Variants in GLIPR1L2 observed in about 807,000 individuals in gnomAD.
The protein encoded by GLIPR1L2 is GLIPR1-like protein 2.
In GLIPR1L2, 21 loss-of-function variants were observed where a neutral mutation model predicts 28.4. That is an observed-to-expected ratio of 0.74 (90% confidence interval 0.52 to 1.06). GLIPR1L2 has a LOEUF of 1.06. Ranked by LOEUF, GLIPR1L2 falls within the 50% of genes least tolerant of loss-of-function variation. GLIPR1L2 has a pLI of 0.00. For synonymous variants in GLIPR1L2, 145 were observed against 139.3 expected (o/e 1.04, Z -0.29); for missense variants, 476 against 416.9 (o/e 1.14, Z -1.23).
At chr12:75,398,103 G>C (rs2139920336) in intron 1 of GLIPR1L2, among the ~76,000 whole-genome samples, 1 of 151,892 alleles carries the variant, frequency 6.6e-6, no homozygotes, top group African/African-American at 2.4e-5. Flanking sequence ...GGCCAAGGCG[G>C]GCAGATCACT....
intron 1 of GLIPR1L2, among the ~76,000 whole-genome samples, chr12:75,397,228 C>G (rs1420974942): frequency 6.6e-6 from 1 of 151,972 alleles, no homozygotes; most frequent in Admixed American, 6.6e-5. Context: ...ATATATTTAA[C>G]TGGCCAATTG....
rs751369509 is a variant in GLIPR1L2, at chr12:75,413,608, A to G, written c.491A>G (p.Asp164Gly). Reference sequence around the variant, plus strand: ...AAAATTTTATTTTAGCTTGTTTGGGACCACTCTTACAAAGTTGGTTGTGCT... The same window carrying G: ...AAAATTTTATTTTAGCTTGTTTGGGGCCACTCTTACAAAGTTGGTTGTGCT... ...DCSNYIQLVW[D>G]HSYKVGCAVT... Residue 164 changes from aspartate (D) to glycine (G), a missense_variant, in exon 3 of 6, where the codon GAC (aspartate) becomes GGC (glycine). Physicochemically the swap from Asp to Gly is moderately conservative, Grantham distance 94. Transcript: ENST00000550916. 7.1e-6 allele frequency: 11 copies of G among 1,546,304 alleles called. No homozygotes were observed. Among genetic ancestry groups the G allele is most frequent in the Non-Finnish European group, 9.6e-6 (11 of 1,150,626 alleles).
chr12:75,406,438 A>G (rs1361238002), intron 1 of GLIPR1L2, among the ~76,000 whole-genome samples: 3 of 152,290 alleles, frequency 2.0e-5, no homozygotes, highest in African/African-American at 7.2e-5. Context: ...TTAATAGGTT[A>G]AATTGCATGA....
At chr12:75,399,072 T>A (rs907356773) in intron 1 of GLIPR1L2, among the ~76,000 whole-genome samples, 2 of 152,306 alleles carry the variant, frequency 1.3e-5, no homozygotes, top group South Asian at 4.1e-4. Flanking sequence ...CTACCTTTTT[T>A]ACCTATTCCT....
chr12:75,431,125 AAC>A lies in GLIPR1L2; in HGVS notation c.1003_1004del (p.Gln335LysfsTer41). ...AAGAGAGAGAGGAGGAGGAGGAGGA[AAC>A]ACAAAAAGAAAAGATGGAGGAAGAG... ...KEEREEEEEETQKEKMEEEEK is the reference protein window; with the variant it reads ...KEEREEEEEEXQKEKMEEEEK On this transcript the variant is annotated frameshift_variant, in exon 6 of 6. Transcript: ENST00000550916. LOFTEE classifies it low-confidence loss of function (END_TRUNC). 4 of 931,234 alleles carry A rather than the reference AAC, an allele frequency of 4.3e-6. No homozygotes were observed. The highest frequency in any genetic ancestry group is 5.0e-6 in the Non-Finnish European group (3 of 602,106). 57.7% of individuals were successfully genotyped at this position (931,234 alleles called of 1,614,324 possible).
At chr12:75,425,865 G>A (rs1448958864) in intron 4 of GLIPR1L2, among the ~76,000 whole-genome samples, 5 of 151,968 alleles carry the variant, frequency 3.3e-5, no homozygotes, top group Admixed American at 6.6e-5. Flanking sequence ...ATATGTAAAG[G>A]AAAAAAGTAA....
At chr12:75,393,418 G>T (rs921708775) in intron 1 of GLIPR1L2, among the ~76,000 whole-genome samples, 2 of 151,656 alleles carry the variant, frequency 1.3e-5, no homozygotes, top group African/African-American at 4.8e-5. Context: ...CCTCCTCCCA[G>T]GCCTCTATCA....
At chr12:75,414,858 A>T (rs2045908709) in intron 3 of GLIPR1L2, among the ~76,000 whole-genome samples, 1 of 152,104 alleles carries the variant, frequency 6.6e-6, no homozygotes, top group Admixed American at 6.6e-5. Flanking sequence ...AGACGCAAAA[A>T]GACACCACAT....
intron 1 of GLIPR1L2, among the ~76,000 whole-genome samples, chr12:75,402,690 C>T (rs1053223081): frequency 2.0e-5 from 3 of 152,148 alleles, no homozygotes; most frequent in Admixed American, 6.5e-5. Context: ...CCTACATTGC[C>T]CAGTGTTATT....
chr12:75,422,955 T>G lies in GLIPR1L2; in HGVS notation c.636T>G (p.Cys212Trp). The G allele has an allele frequency of 6.2e-7, 1 of 1,613,146 alleles. No homozygotes were observed. ...PYEPGIFCTR[C>W]GRRDKCTDFL... is the part of the protein sequence containing the mutation. ...AACCAGGAATATTTTGTACTCGATG[T>G]GGCAGACGTGACAAATGCACAGATT... The change falls in exon 4 of 6, where the codon TGT becomes TGG. Residue 212 changes from cysteine to tryptophan, a missense_variant. By Grantham distance (215) the Cys-to-Trp change is radical. Transcript: ENST00000550916.
At position 75,391,108 on chromosome 12, in the gene GLIPR1L2, C is replaced by G. The variant is rs562714429; in HGVS notation, c.-9C>G. Reference sequence around the variant, plus strand: ...GCGTGCGCACTGGCCTGTCAGCGGCCGGTGGACCATGGAGGCCGCAAGGCC... The same window carrying G: ...GCGTGCGCACTGGCCTGTCAGCGGCGGGTGGACCATGGAGGCCGCAAGGCC... On this transcript the variant is annotated 5_prime_UTR_variant, in exon 1 of 6. Coordinates refer to ENST00000550916, the MANE Select transcript of GLIPR1L2 (RefSeq NM_001270396.2). 2 of 1,602,872 alleles carry G rather than the reference C, an allele frequency of 1.2e-6. No homozygotes were observed. The highest frequency in any genetic ancestry group is 1.7e-6 in the Non-Finnish European group (2 of 1,171,298).
intron 1 of GLIPR1L2, chr12:75,391,620 G>A: frequency 2.0e-6 from 2 of 1,018,684 alleles, no homozygotes; most frequent in Non-Finnish European, 1.4e-6. Context: ...GCCAATTCAA[G>A]AAAATGATAT....
chr12:75,426,374 C>T (rs2046034159), intron 4 of GLIPR1L2, among the ~76,000 whole-genome samples: 1 of 152,170 alleles, frequency 6.6e-6, no homozygotes, highest in Non-Finnish European at 1.5e-5. Flanking sequence ...ACTGTAAACA[C>T]TAAGGGAGTG....
intron 1 of GLIPR1L2, chr12:75,402,869 G>C (rs1411035436): frequency 1.2e-5 from 5 of 403,058 alleles, no homozygotes; most frequent in Non-Finnish European, 2.5e-5. Flanking sequence ...CTGTTCCATG[G>C]GTATAAATCC....
At position 75,430,921 on chromosome 12, in the gene GLIPR1L2, C is replaced by A; in HGVS notation, c.795C>A (p.Ile265=). The stretch of plus-strand genomic sequence containing the variant: ...TATTATTGAGAATATTATGTTTTAT[C>A]CTGTGTGTCATAACTGTTTTGATAG... ...FILLLRILCF[I]LCVITVLIVQ... Residue 265 remains isoleucine, a synonymous_variant, in exon 6 of 6, where the codon ATC becomes ATA. Transcript: ENST00000550916. The A allele has an allele frequency of 6.5e-7, 1 of 1,535,452 alleles. No homozygotes were observed.
chr12:75,424,720 T>C (rs957412883), intron 4 of GLIPR1L2, among the ~76,000 whole-genome samples: 2 of 152,102 alleles, frequency 1.3e-5, no homozygotes, highest in African/African-American at 4.8e-5. Flanking sequence ...AAATATATTA[T>C]GTTTTTGTGC....
At chr12:75,403,362 T>C (rs746178741) in intron 1 of GLIPR1L2, among the ~76,000 whole-genome samples, 10 of 152,306 alleles carry the variant, frequency 6.6e-5, no homozygotes, top group Non-Finnish European at 8.8e-5. Context: ...AAGTCTTTCT[T>C]CCTGGCTCTT....
chr12:75,410,679 G>A lies in GLIPR1L2; in HGVS notation c.480G>A (p.Gln160=), dbSNP rs762561811. The A allele has an allele frequency of 1.3e-6, 2 of 1,572,894 alleles. No homozygotes were observed. Among genetic ancestry groups the A allele is most frequent in the African/African-American group, 2.7e-5 (2 of 73,084 alleles). The change falls in exon 2 of 6, where the codon CAG becomes CAA. Residue 160 remains glutamine, a splice_region_variant and synonymous_variant. Transcript: ENST00000550916. Reference sequence around the variant, plus strand: ...CTGGAGACTGTTCTAATTATATTCAGGTATGTAATTTTTATTTTGTTATTA... The same window carrying A: ...CTGGAGACTGTTCTAATTATATTCAAGTATGTAATTTTTATTTTGTTATTA... ...SCSGDCSNYI[Q]LVWDHSYKVG... is the part of the protein sequence containing the mutation.
chr12:75,396,895 G>C (rs1003576332), intron 1 of GLIPR1L2, among the ~76,000 whole-genome samples: 3 of 152,112 alleles, frequency 2.0e-5, no homozygotes, highest in Non-Finnish European at 4.4e-5. Context: ...TATATTTGCT[G>C]TTCTGTAGTT....
Sources: allele counts gnomAD v4.1 joint callset (sites outside exome capture counted in the v4.1 genomes callset), GRCh38; gene constraint gnomAD v4.1.1; transcripts MANE v1.5; gene names NCBI Gene and HGNC (gene_info 2026-07-23, HGNC 2026-07-21).